The following DHX57 variants were observed in gnomAD, a reference collection of about 807,000 sequenced individuals.
DHX57 encodes DExH-box helicase 57.
DHX57 carries 105 observed loss-of-function variants against 156.2 expected under a neutral mutation model. The ratio of observed to expected loss-of-function variants is 0.67; its 90% CI spans 0.57 to 0.79. The LOEUF (loss-of-function observed/expected upper bound fraction) is 0.79, where lower values mean the gene tolerates loss of function less well. DHX57 is among the 30% of genes least tolerant of loss of function. The probability of loss-of-function intolerance (pLI) is 0.00; values close to 1 mark genes in which losing one functional copy is unlikely to be tolerated. For missense variants in DHX57, 1,847 were observed against 1,661.9 expected (o/e 1.11, Z -1.94); for synonymous variants, 704 against 595.6 (o/e 1.18, Z -2.65).
At chr2:38,810,309 C>T (rs191986601) in intron 21 of DHX57, 12 of 292,942 alleles carry the variant, frequency 4.1e-5, no homozygotes, top group South Asian at 1.0e-4. Context: ...AGCTGGGGCC[C>T]GGCAGCCCCA....
intron 9 of DHX57, among the ~76,000 whole-genome samples, chr2:38,849,751 T>C (rs1351060576): frequency 1.3e-5 from 2 of 152,138 alleles, no homozygotes; most frequent in African/African-American, 4.8e-5. Flanking sequence ...TTGGGTCTTT[T>C]GTACATGTTA....
chr2:38,855,015 C>T (rs1311692568), intron 8 of DHX57, 42 bp downstream of exon 8: 1 of 1,613,140 alleles, frequency 6.2e-7, no homozygotes, highest in Non-Finnish European at 8.5e-7. Flanking sequence ...TACCTAAAAA[C>T]CATAAATTTC....
At position 38,799,413 on chromosome 2, in the gene DHX57, ACTCCACTGCAGACCTTGTTGTCTC is replaced by A. The variant is rs1407659135; in HGVS notation, c.4018-995_4018-972del. Among the ~76,000 whole-genome samples the A allele has an allele frequency of 6.6e-5, 8 of 121,782 alleles. No individual in the cohort carries two copies. In the East Asian group the frequency reaches 7.5e-4, roughly 11 times the overall value. The allele number at this position is 121,782 out of a possible 152,430, so 79.9% of individuals were successfully genotyped here. A position where few individuals can be genotyped will look rare whatever the true frequency, so the allele number is the denominator to read the frequency against. ...AAAGAAAATTTACTGATCACCGATC[ACTCCACTGCAGACCTTGTTGTCTC>A]AAAAAAAAAAAAAAAAAAAAGGGTG... is the stretch of plus-strand genomic sequence containing the variant. On this transcript the variant is annotated intron_variant, in intron 23 of 23. Transcript: ENST00000457308.
chr2:38,807,065 T>C (rs1370438911), intron 21 of DHX57, among the ~76,000 whole-genome samples: 3 of 143,888 alleles, frequency 2.1e-5, no homozygotes, highest in African/African-American at 7.5e-5. Flanking sequence ...TTTTGTTTTG[T>C]TTTTTTTGAG....
At chr2:38,844,250 G>A (rs1183121987) in intron 11 of DHX57, among the ~76,000 whole-genome samples, 5 of 152,078 alleles carry the variant, frequency 3.3e-5, no homozygotes, top group African/African-American at 4.8e-5. Flanking sequence ...ACAAACTAGT[G>A]AGAACAGAAC....
At chr2:38,839,855 C>G (rs989783964) in intron 12 of DHX57, among the ~76,000 whole-genome samples, 1 of 152,118 alleles carries the variant, frequency 6.6e-6, no homozygotes, top group Non-Finnish European at 1.5e-5. Context: ...AGCAGAATCA[C>G]TTTTCTTTGC....
chr2:38,852,653 G>A (rs1672665593), intron 9 of DHX57, among the ~76,000 whole-genome samples: 1 of 146,518 alleles, frequency 6.8e-6, no homozygotes, highest in Admixed American at 6.9e-5. Context: ...ATATTTCCCA[G>A]GCTGAAGTGG....
At chr2:38,831,337 T>C (rs79857082) in intron 13 of DHX57, among the ~76,000 whole-genome samples, 1 of 150,468 alleles carries the variant, frequency 6.6e-6, no homozygotes, top group Admixed American at 6.6e-5. Flanking sequence ...TTTTTTTTTT[T>C]TGAGACGAAG....
intron 1 of DHX57, among the ~76,000 whole-genome samples, chr2:38,874,077 T>C (rs960649445): frequency 1.3e-5 from 2 of 150,602 alleles, no homozygotes; most frequent in African/African-American, 4.9e-5. Flanking sequence ...CCAGGAATAC[T>C]GTCTTTTCTT....
intron 20 of DHX57, among the ~76,000 whole-genome samples, chr2:38,815,119 T>C (rs1251204212): frequency 6.6e-6 from 1 of 151,582 alleles, no homozygotes; most frequent in African/African-American, 2.4e-5. Context: ...CAGGCTAGAG[T>C]GCAGTGTCTC....
chr2:38,799,807 G>C (rs537379993), intron 23 of DHX57, among the ~76,000 whole-genome samples: 264 of 148,836 alleles, frequency 1.8e-3, no homozygotes, highest in Non-Finnish European at 2.8e-3. Flanking sequence ...TGTAATCCCA[G>C]CACTTTGGGA....
chr2:38,869,914 T>C (rs967505726), intron 1 of DHX57, among the ~76,000 whole-genome samples: 3 of 152,236 alleles, frequency 2.0e-5, no homozygotes, highest in African/African-American at 7.2e-5. Context: ...TATAAGTATG[T>C]TCACAGAAAT....
In DHX57 at chr2:38,861,818, G is replaced by T. The variant is rs747987837; in HGVS notation, c.592C>A (p.Arg198Ser). 6.2e-7 allele frequency: 1 copy of T among 1,608,086 alleles called. No individual in the cohort carries two copies. Among genetic ancestry groups the T allele is most frequent in the Non-Finnish European group, 8.5e-7 (1 of 1,177,154 alleles). Residue 198 changes from arginine to serine, a missense_variant, in exon 5 of 24, where the codon CGC becomes AGC. By Grantham distance (110) the Arg-to-Ser change is moderately radical (BLOSUM62 -1). Coordinates refer to ENST00000457308, the MANE Select transcript of DHX57 (RefSeq NM_198963.3). ...KLSRYGFNTERCQAVLRMCDG... is the reference protein window; with the variant it reads ...KLSRYGFNTESCQAVLRMCDG... Reference sequence around the variant, plus strand: ...CACATCCTCAGGACCGCTTGACAGCGTTCAGTATTGAAACCATACCTGTCA... The same window carrying T: ...CACATCCTCAGGACCGCTTGACAGCTTTCAGTATTGAAACCATACCTGTCA...
At chr2:38,809,362 T>A (rs1670118714) in intron 21 of DHX57, among the ~76,000 whole-genome samples, 1 of 152,010 alleles carries the variant, frequency 6.6e-6, no homozygotes, top group South Asian at 2.1e-4. Flanking sequence ...TGGCCCCATG[T>A]GATCTTCTCA....
intron 22 of DHX57, among the ~76,000 whole-genome samples, chr2:38,804,994 CTG>C (rs1206862538): frequency 6.6e-6 from 1 of 152,172 alleles, no homozygotes; most frequent in Non-Finnish European, 1.5e-5. Context: ...AGGGCAGAGA[CTG>C]TGTCCATCTA....
intron 14 of DHX57, among the ~76,000 whole-genome samples, chr2:38,827,480 T>C (rs1181329183): frequency 3.2e-4 from 6 of 18,674 alleles, no homozygotes; most frequent in Admixed American, 2.2e-3. Context: ...AGCGAGACTC[T>C]GTCTCAAAAA....
In DHX57 at chr2:38,823,140, T is replaced by C. The variant is rs747696124; in HGVS notation, c.3144A>G (p.Pro1048=). The C allele has an allele frequency of 1.0e-4, 167 of 1,614,108 alleles. No homozygotes were observed. Among genetic ancestry groups the C allele is most frequent in the Non-Finnish European group, 8.5e-7 (1 of 1,180,048 alleles). The part of the protein sequence containing the change: ...IRLRDLGALT[P]DERLTPLGYH... ...ACCCAAGAGGGGTCAATCTTTCATC[T>C]GGAGTTAATGCTCCTAAGTCTCGTA... The change falls in exon 17 of 24, where the codon CCA becomes CCG. Residue 1048 remains proline, a synonymous_variant. Coordinates refer to ENST00000457308, the MANE Select transcript of DHX57 (RefSeq NM_198963.3).
intron 13 of DHX57, among the ~76,000 whole-genome samples, chr2:38,836,828 T>A (rs1159566431): frequency 4.1e-5 from 6 of 147,572 alleles, no homozygotes; most frequent in African/African-American, 1.0e-4. Flanking sequence ...ATGTAATACA[T>A]ATGACATACA....
chr2:38,820,142 C>A (rs188247501), intron 17 of DHX57, among the ~76,000 whole-genome samples: 2 of 152,260 alleles, frequency 1.3e-5, no homozygotes, highest in African/African-American at 4.8e-5. Context: ...TTTAAATAAT[C>A]TTATAACTAA....
Sources: gnomAD v4.1 joint callset for allele counts (sites outside exome capture counted in the v4.1 genomes callset) on GRCh38, gnomAD v4.1.1 for gene constraint, MANE v1.5 for transcripts, NCBI Gene and HGNC (gene_info 2026-07-23, HGNC 2026-07-21) for gene names.